Variants in CCDC73 observed in about 807,000 individuals in gnomAD.
The protein encoded by CCDC73 is coiled-coil domain containing 73.
CCDC73 carries 95 observed loss-of-function variants against 116.5 expected under a neutral mutation model. The observed-to-expected ratio is 0.82, with a 90% CI of 0.69 to 0.97. The LOEUF is 0.97. Among genes scored for constraint, CCDC73 ranks in the 50% least tolerant of loss-of-function variants. The probability of loss-of-function intolerance (pLI) is 0.00; values close to 1 mark genes in which losing one functional copy is unlikely to be tolerated. For missense variants in CCDC73, 1,066 were observed against 1,206.8 expected (o/e 0.88, Z 1.73); for synonymous variants, 398 against 401.3 (o/e 0.99, Z 0.10).
intron 14 of CCDC73, among the ~76,000 whole-genome samples, chr11:32,620,665 C>A (rs1208434058): frequency 1.4e-5 from 2 of 144,922 alleles, no homozygotes; most frequent in East Asian, 4.1e-4. Context: ...TGTTATATTT[C>A]ATTCATTAAA....
At chr11:32,664,562 C>A (rs1038583351) in intron 9 of CCDC73, among the ~76,000 whole-genome samples, 5 of 151,922 alleles carry the variant, frequency 3.3e-5, no homozygotes, top group African/African-American at 9.7e-5. Context: ...CTATTTGATT[C>A]TTCTCTTTTC....
intron 2 of CCDC73, among the ~76,000 whole-genome samples, chr11:32,735,147 A>G (rs1284229867): frequency 1.3e-5 from 2 of 152,222 alleles, no homozygotes; most frequent in Admixed American, 6.5e-5. Flanking sequence ...CCTATTCAAC[A>G]TAGTGTTGGA....
chr11:32,701,049 G>T (rs917041639), intron 4 of CCDC73, among the ~76,000 whole-genome samples: 1 of 152,040 alleles, frequency 6.6e-6, no homozygotes, highest in East Asian at 1.9e-4. Context: ...TTGAGATGAG[G>T]TCTTGCTATG....
At chr11:32,807,481 A>G in the CCDC73 span, among the ~76,000 whole-genome samples, 4 of 152,212 alleles carry the variant, frequency 2.6e-5, no homozygotes, top group South Asian at 6.2e-4. Flanking sequence ...CATGCCATAC[A>G]TAAAGTTTGT....
At chr11:32,719,999 C>G (rs1324398993) in intron 2 of CCDC73, among the ~76,000 whole-genome samples, 4 of 152,132 alleles carry the variant, frequency 2.6e-5, no homozygotes, top group Non-Finnish European at 5.9e-5. Context: ...CACTTTTACA[C>G]AGTCTCTTCC....
chr11:32,649,215 T>C (rs1168625613), intron 12 of CCDC73, among the ~76,000 whole-genome samples: 1 of 152,142 alleles, frequency 6.6e-6, no homozygotes, highest in Non-Finnish European at 1.5e-5. Context: ...CTGAAAAAAA[T>C]TGATATTGTG....
intron 16 of CCDC73, 90 bp downstream of exon 16, chr11:32,613,332 A>C: frequency 8.6e-7 from 1 of 1,156,294 alleles, no homozygotes; most frequent in Non-Finnish European, 1.2e-6. Context: ...CGAACTTTTA[A>C]AACAAAATTT....
chr11:32,755,717 A>G (rs1375097959), intron 2 of CCDC73, among the ~76,000 whole-genome samples: 1 of 47,104 alleles, frequency 2.1e-5, no homozygotes, highest in African/African-American at 9.5e-5. Context: ...CTCCATATAT[A>G]TGTGTATATA....
At position 32,644,597 on chromosome 11, in the gene CCDC73, T is replaced by G. The variant is rs559460129; in HGVS notation, c.940-2515A>C. Among the ~76,000 whole-genome samples, 6 of 152,358 alleles carry G rather than the reference T, an allele frequency of 3.9e-5. No individual in the cohort carries two copies. The East Asian group carries it at 1.2e-3, about 29-fold the overall frequency. On this transcript the variant is annotated intron_variant, in intron 12 of 17. Transcript: ENST00000335185. ...ACCACTATCCATGTTCAGAACTTTT[T>G]CATTATCTCAAATAGAAATTCTGAA... is the stretch of plus-strand genomic sequence containing the variant.
chr11:32,687,708 G>A (rs1180485694), intron 6 of CCDC73, among the ~76,000 whole-genome samples: 2 of 152,126 alleles, frequency 1.3e-5, no homozygotes, highest in Non-Finnish European at 1.5e-5. Flanking sequence ...TCTGTCGACT[G>A]AGGGGGTGTG....
At chr11:32,636,933 T>TC (rs1273079538) in intron 13 of CCDC73, among the ~76,000 whole-genome samples, 1 of 151,870 alleles carries the variant, frequency 6.6e-6, no homozygotes, top group African/African-American at 2.4e-5. Flanking sequence ...CATCTTCTCG[T>TC]CAGCCTACAA....
chr11:32,776,986 C>CACAT, intron 1 of CCDC73, among the ~76,000 whole-genome samples: 1 of 95,764 alleles, frequency 1.0e-5, no homozygotes, highest in East Asian at 3.1e-4. Context: ...TATATATACA[C>CACAT]ATGTATATAT....
intron 2 of CCDC73, among the ~76,000 whole-genome samples, chr11:32,756,723 CTG>C (rs1359676230): frequency 6.6e-6 from 1 of 151,886 alleles, no homozygotes; most frequent in Non-Finnish European, 1.5e-5. Context: ...TTAACAGTAA[CTG>C]TGGTTCAGTG....
At chr11:32,664,908 A>G (rs1855966038) in intron 9 of CCDC73, among the ~76,000 whole-genome samples, 1 of 152,116 alleles carries the variant, frequency 6.6e-6, no homozygotes, top group Admixed American at 6.5e-5. Flanking sequence ...CCTTCATTTC[A>G]TTATGTACCC....
chr11:32,803,163 G>A, the CCDC73 span, among the ~76,000 whole-genome samples: 11 of 151,104 alleles, frequency 7.3e-5, no homozygotes, highest in Non-Finnish European at 8.9e-5. Context: ...GCGTGATCTC[G>A]GCTCACTGCA....
At chr11:32,748,999 T>C (rs1317974665) in intron 2 of CCDC73, among the ~76,000 whole-genome samples, 1 of 152,230 alleles carries the variant, frequency 6.6e-6, no homozygotes, top group Non-Finnish European at 1.5e-5. Flanking sequence ...GGGAGTGTGA[T>C]TATTAAATGC....
chr11:32,675,324 A>T (rs1159986620), intron 9 of CCDC73, among the ~76,000 whole-genome samples: 1 of 152,200 alleles, frequency 6.6e-6, no homozygotes, highest in African/African-American at 2.4e-5. Context: ...CTTATAAGGT[A>T]TTCATGTGAT....
At chr11:32,725,944 A>C (rs1280831258) in intron 2 of CCDC73, among the ~76,000 whole-genome samples, 1 of 152,192 alleles carries the variant, frequency 6.6e-6, no homozygotes, top group Non-Finnish European at 1.5e-5. Flanking sequence ...CTAGAATTTT[A>C]GTTGGAACCC....
At chr11:32,792,587 T>C (rs562905406) in intron 1 of CCDC73, among the ~76,000 whole-genome samples, 1 of 152,288 alleles carries the variant, frequency 6.6e-6, no homozygotes, top group South Asian at 2.1e-4. Flanking sequence ...GGAAATACTG[T>C]CTTTTGGAAA....
Sources: gnomAD v4.1 joint callset for allele counts (sites outside exome capture counted in the v4.1 genomes callset) on GRCh38, gnomAD v4.1.1 for gene constraint, MANE v1.5 for transcripts, NCBI Gene and HGNC (gene_info 2026-07-23, HGNC 2026-07-21) for gene names.